Variants in PDHX observed in about 807,000 individuals in gnomAD.
PDHX encodes the protein pyruvate dehydrogenase complex component X.
A neutral mutation model predicts 55.3 loss-of-function variants in PDHX; 33 were observed. That is an observed-to-expected ratio of 0.60 (90% CI 0.45 to 0.80). The LOEUF (loss-of-function observed/expected upper bound fraction) is 0.80. PDHX is among the 30% of genes least tolerant of loss of function. PDHX has a pLI of 0.00. For missense variants in PDHX, 622 were observed against 619.9 expected, an observed-to-expected ratio of 1.00 and a Z score of -0.04; for synonymous variants, 226 against 219.4, an observed-to-expected ratio of 1.03 and a Z score of -0.27.
chr11:34,982,094 G>A (rs1855526953), intron 8 of PDHX, among the ~76,000 whole-genome samples: 1 of 152,098 alleles, frequency 6.6e-6, no homozygotes, highest in Admixed American at 6.5e-5. Flanking sequence ...TGTTCTGAAT[G>A]GTATTGCCTA....
chr11:34,950,589 T>C (rs920032014), intron 3 of PDHX, among the ~76,000 whole-genome samples: 4 of 149,916 alleles, frequency 2.7e-5, no homozygotes, highest in African/African-American at 7.4e-5. Flanking sequence ...TGTGTTCTCA[T>C]TGTTCAATTC....
At chr11:34,923,990 G>C (rs1315417438) in intron 1 of PDHX, among the ~76,000 whole-genome samples, 1 of 152,128 alleles carries the variant, frequency 6.6e-6, no homozygotes, top group Non-Finnish European at 1.5e-5. Flanking sequence ...AGAGTAAAAA[G>C]GGAACCTTCA....
At chr11:34,924,424 T>C (rs1344603089) in intron 1 of PDHX, among the ~76,000 whole-genome samples, 2 of 152,168 alleles carry the variant, frequency 1.3e-5, no homozygotes, top group Admixed American at 6.5e-5. Flanking sequence ...TTTCACCATG[T>C]TGTCCAGGCT....
intron 3 of PDHX, among the ~76,000 whole-genome samples, chr11:34,952,728 A>G (rs2133968351): frequency 6.6e-6 from 1 of 150,598 alleles, no homozygotes; most frequent in South Asian, 2.1e-4. Context: ...ACCCACAGCC[A>G]ATATCATACT....
intron 1 of PDHX, among the ~76,000 whole-genome samples, chr11:34,928,271 A>G (rs890665089): frequency 1.3e-5 from 2 of 152,106 alleles, no homozygotes; most frequent in African/African-American, 4.8e-5. Flanking sequence ...CTTCTTTGAA[A>G]TGGAACTCTT....
At chr11:34,986,935 G>A (rs896010751) in intron 9 of PDHX, among the ~76,000 whole-genome samples, 1 of 152,130 alleles carries the variant, frequency 6.6e-6, no homozygotes, top group African/African-American at 2.4e-5. Flanking sequence ...CCAGGCACTG[G>A]GCTAAGTGCT....
intron 9 of PDHX, among the ~76,000 whole-genome samples, chr11:34,987,200 C>A (rs954543330): frequency 6.6e-6 from 1 of 152,134 alleles, no homozygotes; most frequent in Non-Finnish European, 1.5e-5. Context: ...TTTACCTCCC[C>A]TTTGTCTTTT....
At chr11:34,936,791 T>C (rs1411617092) in intron 2 of PDHX, among the ~76,000 whole-genome samples, 1 of 118,444 alleles carries the variant, frequency 8.4e-6, no homozygotes, top group African/African-American at 3.4e-5. Flanking sequence ...TTCTTTTTTT[T>C]TTTTTTTTTT....
At chr11:34,956,799 T>C (rs753184782) in intron 3 of PDHX, among the ~76,000 whole-genome samples, 55 of 152,272 alleles carry the variant, frequency 3.6e-4, no homozygotes, top group Middle Eastern at 3.4e-3. Flanking sequence ...TAAATAGATA[T>C]ACAGGGAAAT....
intron 6 of PDHX, among the ~76,000 whole-genome samples, chr11:34,968,175 A>G (rs1855175009): frequency 6.7e-6 from 1 of 149,908 alleles, no homozygotes; most frequent in Admixed American, 6.7e-5. Flanking sequence ...GGCGGTGGAG[A>G]TTGGGGAATC....
chr11:34,965,629 C>A (rs989494435), intron 5 of PDHX, among the ~76,000 whole-genome samples: 3 of 152,132 alleles, frequency 2.0e-5, no homozygotes, highest in African/African-American at 7.2e-5. Context: ...TGATATGGGG[C>A]ATGTACACCA....
At chr11:34,936,291 G>A (rs12288628) in intron 2 of PDHX, among the ~76,000 whole-genome samples, 28,731 of 151,966 alleles carry the variant, frequency 0.19, 3,862 homozygotes, top group African/African-American at 0.39. Context: ...GTCTGTTTGG[G>A]CATATTACTT....
At chr11:34,974,595 T>G (rs1855326529) in intron 7 of PDHX, among the ~76,000 whole-genome samples, 1 of 152,198 alleles carries the variant, frequency 6.6e-6, no homozygotes, top group East Asian at 1.9e-4. Context: ...CCATACTGTT[T>G]TCCTTAGTGG....
intron 2 of PDHX, among the ~76,000 whole-genome samples, chr11:34,936,461 G>A (rs2956128): frequency 0.79 from 120,196 of 152,066 alleles, 47,663 homozygotes; most frequent in East Asian, 0.83. Flanking sequence ...GTACATGACA[G>A]GGATCCAAGA....
chr11:34,953,981 C>T (rs1452882800), intron 3 of PDHX, among the ~76,000 whole-genome samples: 2 of 152,214 alleles, frequency 1.3e-5, no homozygotes, highest in Admixed American at 1.3e-4. Flanking sequence ...GGTTTGTTCT[C>T]ATTTTCAGTA....
chr11:34,979,351 C>A (rs1057496818), intron 8 of PDHX, among the ~76,000 whole-genome samples: 1 of 152,096 alleles, frequency 6.6e-6, no homozygotes, highest in African/African-American at 2.4e-5. Context: ...TGATGTAAAC[C>A]TAGCTGGCTG....
At chr11:34,983,207 T>TG (rs939018412) in intron 8 of PDHX, among the ~76,000 whole-genome samples, 1 of 152,166 alleles carries the variant, frequency 6.6e-6, no homozygotes, top group Non-Finnish European at 1.5e-5. Flanking sequence ...GAAAAGGCCT[T>TG]TGACAAAATT....
chr11:34,982,953 G>C (rs947761898), intron 8 of PDHX, among the ~76,000 whole-genome samples: 2 of 152,018 alleles, frequency 1.3e-5, no homozygotes, highest in Admixed American at 1.3e-4. Flanking sequence ...TACCAAAGCC[G>C]GGCAGAGACA....
chr11:34,966,808 T>G lies in PDHX; in HGVS notation c.810T>G (p.Asn270Lys). 1 of 1,613,182 alleles carries G rather than the reference T, an allele frequency of 6.2e-7. No individual in the cohort carries two copies. The highest frequency in any genetic ancestry group is 1.1e-5 in the South Asian group (1 of 91,070). The change falls in exon 6 of 11, where the codon AAT becomes AAG. Residue 270 changes from asparagine to lysine, a missense_variant. Asn to Lys is a moderately conservative substitution (Grantham distance 94). Transcript: ENST00000227868. ...CAGTATCAACTCCTGGACAACCCAA[T>G]GCAGTGGTAGTGTTCTCTAAGTGGA... ...IPPVSTPGQP[N>K]AVGTFTEIPA...
Sources: gnomAD v4.1 joint callset for allele counts (sites outside exome capture counted in the v4.1 genomes callset) on GRCh38, gnomAD v4.1.1 for gene constraint, MANE v1.5 for transcripts, NCBI Gene and HGNC (gene_info 2026-07-23, HGNC 2026-07-21) for gene names.